BRD10: variants seen among roughly 807,000 people sequenced by gnomAD.
The protein encoded by BRD10 is uncharacterized bromodomain-containing protein 10.
At chr9:5,922,323 C>A in the BRD10 span, 1 of 1,613,962 alleles carries the variant, frequency 6.2e-7, no homozygotes, top group South Asian at 1.1e-5. Context: ...GTCGGTGAAG[C>A]ACTGGGCAAG....
the BRD10 span, among the ~76,000 whole-genome samples, chr9:5,885,545 G>C: frequency 2.6e-5 from 4 of 151,876 alleles, no homozygotes; most frequent in East Asian, 1.9e-4. Flanking sequence ...TAATTTTTTT[G>C]TATTTTTAGT....
the BRD10 span, chr9:5,924,623 T>A: frequency 7.6e-7 from 1 of 1,308,562 alleles, no homozygotes; most frequent in Non-Finnish European, 1.0e-6. Context: ...CTTTGTGCCT[T>A]CAGTGTTGAC....
chr9:5,965,071 AAAG>A, the BRD10 span, among the ~76,000 whole-genome samples: 1 of 150,950 alleles, frequency 6.6e-6, no homozygotes, highest in African/African-American at 2.4e-5. Context: ...AAAAAAAAAA[AAAG>A]AAAAAAAAAT....
the BRD10 span, among the ~76,000 whole-genome samples, chr9:5,911,405 G>GTTT: frequency 0.012 from 1,247 of 103,542 alleles, 18 homozygotes; most frequent in African/African-American, 0.025. Context: ...GTCTATGTGT[G>GTTT]TTTTTTTTTT....
chr9:5,951,035 T>TACACAC, the BRD10 span, among the ~76,000 whole-genome samples: 625 of 141,756 alleles, frequency 4.4e-3, 3 homozygotes, highest in Non-Finnish European at 6.4e-3. Context: ...GGGCTGACTG[T>TACACAC]ACACACACAC....
At chr9:5,930,537 A>G in the BRD10 span, among the ~76,000 whole-genome samples, 1 of 152,084 alleles carries the variant, frequency 6.6e-6, no homozygotes, top group Non-Finnish European at 1.5e-5. Context: ...TGAGGTTTTT[A>G]TATCTTAGAA....
the BRD10 span, among the ~76,000 whole-genome samples, chr9:5,931,102 T>C: frequency 6.6e-6 from 1 of 152,162 alleles, no homozygotes; most frequent in Non-Finnish European, 1.5e-5. Context: ...GTTCAAAGGC[T>C]AGGGAACACC....
the BRD10 span, among the ~76,000 whole-genome samples, chr9:5,936,376 T>C: frequency 6.6e-6 from 1 of 152,096 alleles, no homozygotes; most frequent in Admixed American, 6.5e-5. Context: ...AATGAATAAT[T>C]TATCAGTGTT....
chr9:5,938,823 A>G, the BRD10 span, among the ~76,000 whole-genome samples: 1 of 152,234 alleles, frequency 6.6e-6, no homozygotes, highest in Non-Finnish European at 1.5e-5. Flanking sequence ...TAAAAAATAT[A>G]TCGTACACAT....
At chr9:5,933,169 T>A in the BRD10 span, among the ~76,000 whole-genome samples, 1 of 152,198 alleles carries the variant, frequency 6.6e-6, no homozygotes, top group Non-Finnish European at 1.5e-5. Context: ...GCTTTATGCA[T>A]CTAATTTTAG....
the BRD10 span, among the ~76,000 whole-genome samples, chr9:5,931,375 T>C: frequency 1.3e-5 from 2 of 152,234 alleles, no homozygotes; most frequent in African/African-American, 2.4e-5. Context: ...ATATTAATTT[T>C]TGTAGAAAAG....
At chr9:6,008,146 C>A in the BRD10 span, 3 of 982,164 alleles carry the variant, frequency 3.1e-6, no homozygotes, top group African/African-American at 5.3e-5. Flanking sequence ...CCTCGGCGCC[C>A]CACCCCCTCC....
the BRD10 span, among the ~76,000 whole-genome samples, chr9:5,985,899 C>G: frequency 6.6e-6 from 1 of 151,926 alleles, no homozygotes; most frequent in African/African-American, 2.4e-5. Flanking sequence ...TACAAGGAAA[C>G]TAGATGGCAT....
chr9:5,965,758 A>T, the BRD10 span, among the ~76,000 whole-genome samples: 2 of 152,218 alleles, frequency 1.3e-5, no homozygotes, highest in Admixed American at 1.3e-4. Context: ...TTCCAAACCT[A>T]TGATGATGGA....
the BRD10 span, among the ~76,000 whole-genome samples, chr9:5,907,382 C>T: frequency 6.6e-6 from 1 of 152,022 alleles, no homozygotes; most frequent in African/African-American, 2.4e-5. Flanking sequence ...GATAAAGTAC[C>T]TATTATTTAT....
chr9:5,966,825 C>T, the BRD10 span, among the ~76,000 whole-genome samples: 12 of 152,108 alleles, frequency 7.9e-5, no homozygotes, highest in East Asian at 2.3e-3. Flanking sequence ...ACAAATGGAT[C>T]GCTTATAAAA....
At chr9:5,889,712 G>A in the BRD10 span, among the ~76,000 whole-genome samples, 3 of 152,080 alleles carry the variant, frequency 2.0e-5, no homozygotes, top group African/African-American at 7.2e-5. Flanking sequence ...TTGAACCTGG[G>A]AGGCAGAGGT....
the BRD10 span, among the ~76,000 whole-genome samples, chr9:5,939,007 A>T: frequency 6.6e-6 from 1 of 152,198 alleles, no homozygotes; most frequent in Non-Finnish European, 1.5e-5. Flanking sequence ...CTATAAAATA[A>T]TATTAAAAAT....
the BRD10 span, chr9:5,968,365 A>G: frequency 6.2e-7 from 1 of 1,610,922 alleles, no homozygotes. Flanking sequence ...TTATTCTGGA[A>G]GCTTCACCGT....
Sources: allele counts gnomAD v4.1 joint callset (sites outside exome capture counted in the v4.1 genomes callset), GRCh38; gene constraint gnomAD v4.1.1; transcripts MANE v1.5; gene names NCBI Gene and HGNC (gene_info 2026-07-23, HGNC 2026-07-21).